Variants in CNTN6 observed in about 807,000 individuals in gnomAD.
CNTN6 encodes the protein contactin 6.
In CNTN6, 137 loss-of-function variants were observed where a neutral mutation model predicts 122.8. The ratio of observed to expected loss-of-function variants is 1.12; its 90% confidence interval spans 0.97 to 1.29. The LOEUF is 1.29. Among genes scored for constraint, CNTN6 ranks in the 50% most tolerant of loss-of-function variants. CNTN6 has a pLI of 0.00. For synonymous variants in CNTN6, 570 were observed against 426.0 expected (o/e 1.34, Z -4.16); for missense variants, 1,634 against 1,223.4 (o/e 1.34, Z -5.01).
chr3:1,191,199 G>C (rs57713752), intron 2 of CNTN6, among the ~76,000 whole-genome samples: 24,683 of 151,950 alleles, frequency 0.16, 2,116 homozygotes, highest in Middle Eastern at 0.23. Context: ...TGGAGCTCCT[G>C]ATTCCAGAGC....
At chr3:1,286,777 G>C (rs4065395) in intron 5 of CNTN6, among the ~76,000 whole-genome samples, 121,850 of 151,946 alleles carry the variant, frequency 0.8, 48,963 homozygotes, top group Non-Finnish European at 0.81. Context: ...GCTGTATTCA[G>C]TATCTCACAT....
At chr3:1,379,821 G>A (rs1332744084) in intron 17 of CNTN6, among the ~76,000 whole-genome samples, 1 of 152,000 alleles carries the variant, frequency 6.6e-6, no homozygotes, top group Admixed American at 6.6e-5. Context: ...ACTTCTTCTG[G>A]TGCCCAGCTT....
chr3:1,248,523 A>G (rs955835022), intron 4 of CNTN6, among the ~76,000 whole-genome samples: 2 of 152,186 alleles, frequency 1.3e-5, no homozygotes, highest in African/African-American at 2.4e-5. Context: ...AAGTGAAGTA[A>G]TGTGCCCAAG....
chr3:1,295,064 G>A (rs193120293), intron 5 of CNTN6, among the ~76,000 whole-genome samples: 152 of 152,216 alleles, frequency 1.0e-3, no homozygotes, highest in African/African-American at 3.2e-3. Context: ...ACCAGCTGGG[G>A]CAACATAGTG....
intron 19 of CNTN6, 113 bp downstream of exon 19, chr3:1,383,521 C>G (rs1049691236): frequency 1.3e-6 from 1 of 757,568 alleles, no homozygotes; most frequent in Admixed American, 2.3e-5. Flanking sequence ...TAATGTGTGT[C>G]TAAAGCTAAA....
At chr3:1,334,765 A>C (rs890510039) in intron 11 of CNTN6, among the ~76,000 whole-genome samples, 3 of 152,206 alleles carry the variant, frequency 2.0e-5, no homozygotes, top group Non-Finnish European at 4.4e-5. Flanking sequence ...AGCATCCACC[A>C]CAAACCTGGA....
At position 1,357,776 on chromosome 3, in the gene CNTN6, A is replaced by C. The variant is rs997536805; in HGVS notation, c.1492+5325A>C. Among the ~76,000 whole-genome samples the C allele has an allele frequency of 2.6e-5, 4 of 151,908 alleles. No homozygotes were observed. In the East Asian group the frequency reaches 7.8e-4, roughly 29 times the overall value. On this transcript the variant is annotated intron_variant, in intron 12 of 22. Transcript: ENST00000446702. The stretch of plus-strand genomic sequence containing the variant: ...CATTAGAGTGCAATTTTATATGTAC[A>C]TTTTTATATGTAAAAATTCATTTGA...
chr3:1,317,922 G>A (rs1700325528), intron 7 of CNTN6, among the ~76,000 whole-genome samples: 1 of 148,502 alleles, frequency 6.7e-6, no homozygotes, highest in South Asian at 2.1e-4. Context: ...CATGTCCTCT[G>A]CAGATTTAGA....
chr3:1,286,366 G>C (rs1319096305), intron 5 of CNTN6, among the ~76,000 whole-genome samples: 1 of 151,964 alleles, frequency 6.6e-6, no homozygotes, highest in Non-Finnish European at 1.5e-5. Context: ...ACCCCCAGTA[G>C]GCCCCAGTGT....
chr3:1,327,354 T>G, intron 9 of CNTN6, 103 bp from the exon 10 acceptor site: 1 of 1,268,260 alleles, frequency 7.9e-7, no homozygotes, highest in Non-Finnish European at 1.1e-6. Context: ...CACCAAATTA[T>G]CAGATCTCAT....
At chr3:1,125,773 T>A (rs116018407) in intron 1 of CNTN6, among the ~76,000 whole-genome samples, 2,377 of 151,786 alleles carry the variant, frequency 0.016, 32 homozygotes, top group Non-Finnish European at 0.023. Flanking sequence ...CTTAATCTAA[T>A]CAAAGTACCG....
chr3:1,354,154 GAA>G (rs1706147549), intron 12 of CNTN6, among the ~76,000 whole-genome samples: 1 of 151,368 alleles, frequency 6.6e-6, no homozygotes, highest in Non-Finnish European at 1.5e-5. Context: ...TACTAACTGA[GAA>G]ACTCGGAAGC....
intron 22 of CNTN6, 121 bp downstream of exon 22, chr3:1,402,607 T>C: frequency 1.2e-6 from 1 of 851,338 alleles, no homozygotes; most frequent in Non-Finnish European, 1.7e-6. Flanking sequence ...AATTTTCAAT[T>C]GTGAGCAAAA....
At chr3:1,231,030 G>A (rs987655132) in intron 4 of CNTN6, among the ~76,000 whole-genome samples, 3 of 152,050 alleles carry the variant, frequency 2.0e-5, no homozygotes, top group Non-Finnish European at 4.4e-5. Flanking sequence ...ACCTCTCCAT[G>A]GGATCAGGCT....
chr3:1,175,732 A>G (rs1184844917), intron 2 of CNTN6, among the ~76,000 whole-genome samples: 1 of 152,366 alleles, frequency 6.6e-6, no homozygotes, highest in East Asian at 1.9e-4. Flanking sequence ...GAGAGTGGAA[A>G]GAATGAGAAT....
intron 7 of CNTN6, among the ~76,000 whole-genome samples, chr3:1,314,603 G>A (rs530401773): frequency 5.6e-4 from 85 of 152,076 alleles, no homozygotes; most frequent in African/African-American, 1.5e-3. Context: ...AATTTAACTC[G>A]AAATCAGGAT....
chr3:1,383,202 C>T (rs1482010589), intron 18 of CNTN6, 26 bp downstream of exon 18: 2 of 1,600,378 alleles, frequency 1.2e-6, no homozygotes, highest in Non-Finnish European at 1.7e-6. Flanking sequence ...CTCTGGTTTT[C>T]TTTGAGACTC....
At chr3:1,392,054 A>G (rs1415966613) in intron 20 of CNTN6, among the ~76,000 whole-genome samples, 1 of 152,148 alleles carries the variant, frequency 6.6e-6, no homozygotes, top group East Asian at 1.9e-4. Flanking sequence ...GGAAAAAACT[A>G]CTTTAAAGTT....
chr3:1,212,895 G>A (rs1006640787), intron 2 of CNTN6, among the ~76,000 whole-genome samples: 8 of 151,508 alleles, frequency 5.3e-5, no homozygotes, highest in African/African-American at 1.9e-4. Flanking sequence ...CTTATCAAGT[G>A]GTATAAATTC....
Sources: gnomAD v4.1 joint callset for allele counts (sites outside exome capture counted in the v4.1 genomes callset) on GRCh38, gnomAD v4.1.1 for gene constraint, MANE v1.5 for transcripts, NCBI Gene and HGNC (gene_info 2026-07-23, HGNC 2026-07-21) for gene names.